Variants in GPM6A observed in about 807,000 individuals in gnomAD.
The protein encoded by GPM6A is neuronal membrane glycoprotein M6-a.
In GPM6A, 7 loss-of-function variants were observed where a neutral mutation model predicts 32.1. The ratio of observed to expected loss-of-function variants is 0.22; its 90% CI spans 0.12 to 0.41. GPM6A has a LOEUF of 0.41. Among genes scored for constraint, GPM6A ranks in the 10% least tolerant of loss-of-function variants. The pLI is 1.00. For missense variants in GPM6A, 235 were observed against 347.2 expected, an observed-to-expected ratio of 0.68 and a Z score of 2.57; for synonymous variants, 130 against 123.4, an observed-to-expected ratio of 1.05 and a Z score of -0.35.
At chr4:175,734,517 T>C (rs1369889664) in intron 1 of GPM6A, among the ~76,000 whole-genome samples, 1 of 152,066 alleles carries the variant, frequency 6.6e-6, no homozygotes, top group East Asian at 1.9e-4. Flanking sequence ...AGTTTCAAGG[T>C]TTCTCAGTTT....
chr4:175,785,986 T>C (rs1312759003), intron 1 of GPM6A, among the ~76,000 whole-genome samples: 1 of 151,636 alleles, frequency 6.6e-6, no homozygotes, highest in South Asian at 2.1e-4. Context: ...AACACTTCGA[T>C]AGAGAAAAAA....
chr4:175,926,710 A>G (rs1028892422), intron 1 of GPM6A, among the ~76,000 whole-genome samples: 2 of 152,200 alleles, frequency 1.3e-5, no homozygotes, highest in Non-Finnish European at 2.9e-5. Flanking sequence ...TGTTCCTTTT[A>G]GCAAAATTTT....
At chr4:175,849,971 G>A (rs1372641054) in intron 1 of GPM6A, among the ~76,000 whole-genome samples, 2 of 152,108 alleles carry the variant, frequency 1.3e-5, no homozygotes, top group Admixed American at 6.6e-5. Flanking sequence ...CATAAATAGA[G>A]AATAGTGACT....
intron 1 of GPM6A, among the ~76,000 whole-genome samples, chr4:175,860,961 C>T (rs1395773590): frequency 6.6e-6 from 1 of 151,226 alleles, no homozygotes. Context: ...ATAAATATCT[C>T]ATCCATGTGA....
At chr4:175,985,041 C>T (rs1740933053) in intron 1 of GPM6A, among the ~76,000 whole-genome samples, 1 of 152,134 alleles carries the variant, frequency 6.6e-6, no homozygotes, top group Non-Finnish European at 1.5e-5. Context: ...CTTAATTCTC[C>T]CACCTTCTTT....
chr4:175,709,893 G>T (rs935933613), intron 1 of GPM6A, among the ~76,000 whole-genome samples: 3 of 151,888 alleles, frequency 2.0e-5, no homozygotes, highest in Non-Finnish European at 2.9e-5. Flanking sequence ...TGCTAGTCAT[G>T]ATATCAGAAT....
intron 1 of GPM6A, among the ~76,000 whole-genome samples, chr4:175,981,343 A>C (rs1740810017): frequency 6.6e-6 from 1 of 152,188 alleles, no homozygotes; most frequent in Non-Finnish European, 1.5e-5. Context: ...GCAGTCACAT[A>C]AACATCATTG....
At chr4:175,985,444 A>G (rs957816634) in intron 1 of GPM6A, among the ~76,000 whole-genome samples, 9 of 152,124 alleles carry the variant, frequency 5.9e-5, no homozygotes, top group Non-Finnish European at 1.3e-4. Flanking sequence ...ATTCCTGCTG[A>G]TCTCTTATTA....
At chr4:175,968,867 G>C (rs1469674952) in intron 1 of GPM6A, among the ~76,000 whole-genome samples, 1 of 152,116 alleles carries the variant, frequency 6.6e-6, no homozygotes, top group East Asian at 1.9e-4. Flanking sequence ...TTAGAAAACA[G>C]TTTGGCAGTA....
chr4:175,951,753 T>C (rs776071248), intron 1 of GPM6A, among the ~76,000 whole-genome samples: 1 of 152,250 alleles, frequency 6.6e-6, no homozygotes, highest in Non-Finnish European at 1.5e-5. Context: ...GGGTAGTTAA[T>C]GGTATTGGTT....
intron 1 of GPM6A, among the ~76,000 whole-genome samples, chr4:175,889,413 T>C (rs1436164604): frequency 6.6e-6 from 1 of 151,922 alleles, no homozygotes; most frequent in African/African-American, 2.4e-5. Context: ...TAGTCCCACA[T>C]ACTCTGGAGG....
At chr4:175,815,511 G>A (rs112131925), upstream of GPM6A, among the ~76,000 whole-genome samples, 1,277 of 152,070 alleles carry the variant, frequency 8.4e-3, 10 homozygotes, top group Non-Finnish European at 0.014. Context: ...TCCTTATGGG[G>A]ACTGAAATGC....
At chr4:175,799,120 C>A (rs751016622) in intron 1 of GPM6A, among the ~76,000 whole-genome samples, 1 of 152,092 alleles carries the variant, frequency 6.6e-6, no homozygotes, top group African/African-American at 2.4e-5. Flanking sequence ...TCTTTCCCAA[C>A]GTGGCTTTAA....
chr4:175,643,734 A>C (rs1026021501), intron 4 of GPM6A, among the ~76,000 whole-genome samples: 3 of 152,170 alleles, frequency 2.0e-5, no homozygotes, highest in African/African-American at 7.2e-5. Flanking sequence ...GCTCCTAATA[A>C]AGAAACACCT....
intron 1 of GPM6A, among the ~76,000 whole-genome samples, chr4:175,759,295 T>C (rs1427537897): frequency 1.3e-5 from 2 of 151,066 alleles, no homozygotes; most frequent in Non-Finnish European, 2.9e-5. Context: ...GTTTGAGGAA[T>C]ACGGGGGGGG....
chr4:175,931,530 G>A (rs1739037365), intron 1 of GPM6A, among the ~76,000 whole-genome samples: 1 of 151,916 alleles, frequency 6.6e-6, no homozygotes, highest in African/African-American at 2.4e-5. Context: ...TTTTTAAAAT[G>A]TTGAAGAAAT....
At chr4:175,866,715 C>G (rs542438946) in intron 1 of GPM6A, among the ~76,000 whole-genome samples, 95 of 152,270 alleles carry the variant, frequency 6.2e-4, no homozygotes, top group African/African-American at 2.2e-3. Context: ...AAGGATAAAG[C>G]TGCTATAAAG....
intron 3 of GPM6A, among the ~76,000 whole-genome samples, chr4:175,656,089 G>A (rs61316568): frequency 0.062 from 9,426 of 151,968 alleles, 302 homozygotes; most frequent in South Asian, 0.12. Flanking sequence ...TAAATAAAGT[G>A]GCCTCATTGG....
At chr4:175,994,135 T>C (rs1419068918) in intron 1 of GPM6A, among the ~76,000 whole-genome samples, 2 of 152,070 alleles carry the variant, frequency 1.3e-5, no homozygotes, top group Non-Finnish European at 2.9e-5. Context: ...TAAATACAAA[T>C]GACACTGAAG....
Sources: allele counts gnomAD v4.1 joint callset (sites outside exome capture counted in the v4.1 genomes callset), GRCh38; gene constraint gnomAD v4.1.1; transcripts MANE v1.5; gene names NCBI Gene and HGNC (gene_info 2026-07-23, HGNC 2026-07-21).